The following UNC80 variants were observed in gnomAD, a reference collection of about 807,000 sequenced individuals.
The protein encoded by UNC80 is protein unc-80 homolog.
In UNC80, 164 loss-of-function variants were observed where a neutral mutation model predicts 384.6. The ratio of observed to expected loss-of-function variants is 0.43; its 90% CI spans 0.38 to 0.49. The LOEUF (loss-of-function observed/expected upper bound fraction) is 0.49, where lower values mean the gene tolerates loss of function less well. Ranked by LOEUF, UNC80 falls within the 20% of genes least tolerant of loss-of-function variation. The pLI is 0.00. For missense variants in UNC80, 3,330 were observed against 4,143.0 expected (o/e 0.80, Z 5.39); for synonymous variants, 1,486 against 1,527.8 (o/e 0.97, Z 0.64).
At position 209,913,952 on chromosome 2, in the gene UNC80, C is replaced by T; in HGVS notation, c.5029+12C>T. 1.3e-6 allele frequency: 2 copies of T among 1,535,120 alleles called. No homozygotes were observed. Among genetic ancestry groups the T allele is most frequent in the Non-Finnish European group, 1.8e-6 (2 of 1,135,392 alleles). Reference sequence around the variant, plus strand: ...GGCAGGGGCAGCAGGTAAAGAAAGACCACCTGGAACCCTGTGCCTGCTGCC... The same window carrying T: ...GGCAGGGGCAGCAGGTAAAGAAAGATCACCTGGAACCCTGTGCCTGCTGCC... On this transcript the variant is annotated intron_variant, in intron 31 of 64. Coordinates refer to ENST00000673920, the MANE Select transcript of UNC80 (RefSeq NM_001371986.1).
At chr2:209,887,556 A>G (rs532679808) in intron 25 of UNC80, among the ~76,000 whole-genome samples, 2 of 152,300 alleles carry the variant, frequency 1.3e-5, no homozygotes, top group South Asian at 4.1e-4. Context: ...CACAGGTCCC[A>G]GGGATTAGGG....
intron 51 of UNC80, among the ~76,000 whole-genome samples, chr2:209,964,467 G>T (rs920426396): frequency 6.6e-6 from 1 of 152,126 alleles, no homozygotes; most frequent in Non-Finnish European, 1.5e-5. Flanking sequence ...AAAATTCAGA[G>T]TGTTGCTACA....
At position 209,918,513 on chromosome 2, in the gene UNC80, T is replaced by G; in HGVS notation, c.5212-19T>G. 1 of 1,550,084 alleles carries G rather than the reference T, an allele frequency of 6.5e-7. No homozygotes were observed. On this transcript the variant is annotated intron_variant, in intron 32 of 64. Coordinates refer to ENST00000673920, the MANE Select transcript of UNC80 (RefSeq NM_001371986.1). ...GCTTATATTCCCTCTCACCTAATTT[T>G]TCTGATGTCAACTAACAGATTCCGC...
intron 22 of UNC80, among the ~76,000 whole-genome samples, chr2:209,867,365 C>T (rs989489492): frequency 2.6e-5 from 4 of 151,778 alleles, no homozygotes; most frequent in African/African-American, 9.7e-5. Context: ...TTTTGTCAGA[C>T]ACCTGGAAAC....
intron 12 of UNC80, among the ~76,000 whole-genome samples, chr2:209,820,086 T>C (rs966872538): frequency 6.6e-6 from 1 of 152,210 alleles, no homozygotes; most frequent in African/African-American, 2.4e-5. Flanking sequence ...CATGAGATAA[T>C]ACATGTATAT....
intron 42 of UNC80, among the ~76,000 whole-genome samples, chr2:209,938,443 C>T (rs542356577): frequency 6.6e-6 from 1 of 152,058 alleles, no homozygotes; most frequent in East Asian, 1.9e-4. Context: ...GGGTGAGCAT[C>T]GCATAGAATT....
At chr2:209,910,621 G>C (rs534482881) in intron 29 of UNC80, among the ~76,000 whole-genome samples, 1 of 150,956 alleles carries the variant, frequency 6.6e-6, no homozygotes. Context: ...AGAAACACAG[G>C]GTATCAGGGA....
intron 13 of UNC80, among the ~76,000 whole-genome samples, chr2:209,824,729 G>C (rs2080386237): frequency 6.6e-6 from 1 of 152,032 alleles, no homozygotes; most frequent in East Asian, 1.9e-4. Context: ...AGAAAAGGGG[G>C]ACCAACTCGA....
At chr2:209,864,309 A>G (rs931280904) in intron 22 of UNC80, among the ~76,000 whole-genome samples, 5 of 152,044 alleles carry the variant, frequency 3.3e-5, no homozygotes, top group Admixed American at 1.3e-4. Context: ...CCCCTGTTGG[A>G]GGGTTTCACC....
At chr2:209,882,447 G>A (rs2085386102) in intron 25 of UNC80, among the ~76,000 whole-genome samples, 1 of 152,114 alleles carries the variant, frequency 6.6e-6, no homozygotes. Context: ...ACAGAAAGTG[G>A]ATATTTTCAA....
chr2:209,817,827 G>A lies in UNC80; in HGVS notation c.1568G>A (p.Arg523Gln), dbSNP rs1199212965. 28 of 1,551,578 alleles carry A rather than the reference G, an allele frequency of 1.8e-5. No homozygotes were observed. Among genetic ancestry groups the A allele is most frequent in the Middle Eastern group, 1.7e-4 (1 of 5,990 alleles). ...QTTILGKLTR[R>Q]GSSDAATEME... is the part of the protein sequence containing the mutation. ...TTCATCCCAGGGAAATTGACCCGGC[G>A]AGGCAGTTCAGATGCAGCCACTGAG... Residue 523 changes from arginine to glutamine, a missense_variant, in exon 11 of 65, where the codon CGA (arginine) becomes CAA (glutamine). Transcript: ENST00000673920.
Position 209,917,823 on chromosome 2 carries a change from C to T in UNC80, c.5076C>T (p.Ser1692=), listed in dbSNP as rs193010688. The T allele has an allele frequency of 8.8e-5, 136 of 1,552,116 alleles. 3 individuals are homozygous for T. In the South Asian group the frequency reaches 1.2e-3, roughly 14 times the overall value. Residue 1692 remains serine, a synonymous_variant, in exon 32 of 65, where the codon TCC becomes TCT. Transcript: ENST00000673920. The stretch of plus-strand genomic sequence containing the variant: ...CAGTGAAGGTGCCTGAGGCCGTGTC[C>T]GACATGCTGATGTCAGAGTTCCACC... ...LCAVKVPEAV[S]DMLMSEFHHP...
At chr2:209,984,778 T>G in intron 60 of UNC80, 78 bp from the exon 61 acceptor site, 1 of 1,367,540 alleles carries the variant, frequency 7.3e-7, no homozygotes, top group Non-Finnish European at 9.9e-7. Flanking sequence ...AAGCAGAAAA[T>G]TGCATGCCTT....
chr2:209,918,314 G>A (rs2089729017), intron 32 of UNC80, among the ~76,000 whole-genome samples: 1 of 152,162 alleles, frequency 6.6e-6, no homozygotes, highest in South Asian at 2.1e-4. Context: ...TTGATTGAAA[G>A]CCTTTAATGA....
chr2:209,917,362 G>A (rs2089635074), intron 31 of UNC80, among the ~76,000 whole-genome samples: 1 of 152,204 alleles, frequency 6.6e-6, no homozygotes, highest in Admixed American at 6.5e-5. Flanking sequence ...AGCCTATGAT[G>A]TGGAATTTTT....
At chr2:209,823,736 G>A (rs2080305598) in intron 13 of UNC80, among the ~76,000 whole-genome samples, 1 of 151,288 alleles carries the variant, frequency 6.6e-6, no homozygotes, top group Non-Finnish European at 1.5e-5. Context: ...TTCATGTTTT[G>A]ACTCTAATTC....
chr2:209,979,324 A>G (rs528403604), intron 59 of UNC80, among the ~76,000 whole-genome samples: 6 of 146,648 alleles, frequency 4.1e-5, no homozygotes, highest in Admixed American at 2.7e-4. Flanking sequence ...ACTAACTCCC[A>G]TTTAAATTGT....
intron 7 of UNC80, among the ~76,000 whole-genome samples, chr2:209,808,061 T>G (rs1402666767): frequency 1.3e-5 from 2 of 152,262 alleles, no homozygotes; most frequent in Non-Finnish European, 2.9e-5. Flanking sequence ...TGTTGGAGTC[T>G]TGCTGTTCTG....
chr2:209,993,599 C>T (rs1559455475), intron 63 of UNC80, among the ~76,000 whole-genome samples, 173 bp downstream of exon 63: 1 of 152,104 alleles, frequency 6.6e-6, no homozygotes, highest in African/African-American at 2.4e-5. Flanking sequence ...TTCTTGCCTT[C>T]CCCAGTCCCT....
Sources: gnomAD v4.1 joint callset for allele counts (sites outside exome capture counted in the v4.1 genomes callset) on GRCh38, gnomAD v4.1.1 for gene constraint, MANE v1.5 for transcripts, NCBI Gene and HGNC (gene_info 2026-07-23, HGNC 2026-07-21) for gene names.